Variants in CYTH1 observed in about 807,000 individuals in gnomAD.
CYTH1 encodes cytohesin 1.
A neutral mutation model predicts 61.8 loss-of-function variants in CYTH1; 18 were observed. The ratio of observed to expected loss-of-function variants is 0.29; its 90% CI spans 0.20 to 0.43. CYTH1 has a LOEUF of 0.43. Ranked by LOEUF, CYTH1 falls within the 20% of genes least tolerant of loss-of-function variation. The pLI, the probability that CYTH1 is intolerant of heterozygous loss-of-function variation, is 1.00. For synonymous variants in CYTH1, 174 were observed against 184.3 expected (o/e 0.94, Z 0.45); for missense variants, 336 against 510.5 (o/e 0.66, Z 3.29).
At chr17:78,680,062 C>T (rs554641861) in intron 13 of CYTH1, 128 bp downstream of exon 13, 11 of 1,307,938 alleles carry the variant, frequency 8.4e-6, no homozygotes, top group African/African-American at 4.5e-5. Context: ...GGAACCAGGA[C>T]GAAGCTTCCC....
chr17:78,690,947 C>G (rs2092878908), intron 11 of CYTH1, among the ~76,000 whole-genome samples: 1 of 152,104 alleles, frequency 6.6e-6, no homozygotes, highest in African/African-American at 2.4e-5. Flanking sequence ...ATGTTAAAGA[C>G]ATCGTTAGTG....
intron 1 of CYTH1, among the ~76,000 whole-genome samples, chr17:78,715,738 A>G (rs1458251636): frequency 6.6e-6 from 1 of 151,992 alleles, no homozygotes; most frequent in African/African-American, 2.4e-5. Context: ...CGCCAGGAAC[A>G]GCTCCCTTTG....
chr17:78,776,897 AG>A (rs1251607579), intron 1 of CYTH1, among the ~76,000 whole-genome samples: 1 of 150,644 alleles, frequency 6.6e-6, no homozygotes, highest in African/African-American at 2.5e-5. Context: ...AGGCCTAGGC[AG>A]GGGGATCACC....
intron 1 of CYTH1, chr17:78,724,168 A>G (rs1356155279): frequency 6.6e-6 from 1 of 152,200 alleles, no homozygotes; most frequent in Non-Finnish European, 1.5e-5. Context: ...GACAAGAAAT[A>G]TGGCTACAGC....
Position 78,771,783 on chromosome 17 carries a change from A to G in CYTH1, c.22+10419T>C, listed in dbSNP as rs181814379. Among the ~76,000 whole-genome samples the G allele has an allele frequency of 1.3e-4, 19 of 151,992 alleles. 1 individual carries two copies. The East Asian group carries it at 3.5e-3, about 28-fold the overall frequency. The stretch of plus-strand genomic sequence containing the variant: ...AAAGGTGGAAAATATAAAGACTTGG[A>G]TAAGGAAGGTATTATCCTGGCCCTT... On this transcript the variant is annotated intron_variant, in intron 1 of 13. Coordinates refer to ENST00000446868, the MANE Select transcript of CYTH1 (RefSeq NM_004762.6).
intron 8 of CYTH1, 137 bp downstream of exon 8, chr17:78,698,683 G>GA (rs2092972995): frequency 9.0e-7 from 1 of 1,116,458 alleles, no homozygotes. Context: ...CTTTCTTAAT[G>GA]AAATTCACAT....
chr17:78,766,526 G>C (rs1318916547), intron 1 of CYTH1, among the ~76,000 whole-genome samples: 1 of 152,062 alleles, frequency 6.6e-6, no homozygotes, highest in Non-Finnish European at 1.5e-5. Context: ...TGCTACCCGG[G>C]GGATTAAGGA....
intron 1 of CYTH1, among the ~76,000 whole-genome samples, chr17:78,751,878 C>T (rs986060211): frequency 2.0e-5 from 3 of 152,256 alleles, no homozygotes; most frequent in South Asian, 4.1e-4. Flanking sequence ...GGCATGATCT[C>T]GGCTCACTGC....
intron 12 of CYTH1, among the ~76,000 whole-genome samples, chr17:78,680,642 T>C (rs2092750987): frequency 6.6e-6 from 1 of 152,172 alleles, no homozygotes; most frequent in Non-Finnish European, 1.5e-5. Context: ...AGTAACATCC[T>C]GACAGCCCAA....
At position 78,782,153 on chromosome 17, in the gene CYTH1, G is replaced by A. The variant is rs763709695; in HGVS notation, c.22+49C>T. The A allele has an allele frequency of 2.9e-5, 39 of 1,329,800 alleles. No individual in the cohort carries two copies. In the African/African-American group the frequency reaches 3.7e-4, roughly 13 times the overall value. 82.4% of individuals were successfully genotyped at this position (1,329,800 alleles called of 1,614,324 possible). On this transcript the variant is annotated intron_variant, in intron 1 of 13. Transcript: ENST00000446868. ...GCTGCCGGACGGCCGGGCCCGGAGG[G>A]GACTGGGGGACAGCGAGGGGGAAGC...
chr17:78,765,146 T>G (rs974818468), intron 1 of CYTH1, among the ~76,000 whole-genome samples: 3 of 151,862 alleles, frequency 2.0e-5, no homozygotes, highest in African/African-American at 7.3e-5. Flanking sequence ...GTTTGCTGAG[T>G]GCATGAGCAG....
intron 1 of CYTH1, among the ~76,000 whole-genome samples, chr17:78,740,052 C>T (rs1054396072): frequency 1.3e-5 from 2 of 152,314 alleles, no homozygotes; most frequent in Admixed American, 1.3e-4. Flanking sequence ...TCTCCTGCCT[C>T]AGCCTCCCGA....
Position 78,699,961 on chromosome 17 carries a change from T to A in CYTH1, c.550+370A>T, listed in dbSNP as rs1358596509. Among the ~76,000 whole-genome samples the A allele has an allele frequency of 2.6e-5, 4 of 152,140 alleles. No homozygotes were observed. The South Asian group carries it at 6.2e-4, about 24-fold the overall frequency. On this transcript the variant is annotated intron_variant, in intron 7 of 13. Coordinates refer to ENST00000446868, the MANE Select transcript of CYTH1 (RefSeq NM_004762.6). ...TAAGCCACCACACCTGGCTAATTTT[T>A]AAAAATTTTTTTGGAGAAAGGGTCT...
At chr17:78,706,669 A>G (rs1005475760) in intron 3 of CYTH1, among the ~76,000 whole-genome samples, 4 of 152,260 alleles carry the variant, frequency 2.6e-5, no homozygotes, top group African/African-American at 9.6e-5. Context: ...TGAAACTGCC[A>G]AACTTCTTTC....
chr17:78,748,802 C>T (rs1435154298), intron 1 of CYTH1, among the ~76,000 whole-genome samples: 1 of 152,136 alleles, frequency 6.6e-6, no homozygotes, highest in Admixed American at 6.5e-5. Context: ...CACTGCAGAT[C>T]CCCTTCCTGT....
At chr17:78,690,310 C>T (rs928641632) in intron 11 of CYTH1, among the ~76,000 whole-genome samples, 2 of 137,016 alleles carry the variant, frequency 1.5e-5, no homozygotes, top group Admixed American at 8.1e-5. Flanking sequence ...AGGAGAATGG[C>T]GTGAGCCCGG....
chr17:78,779,112 G>A (rs763991910), intron 1 of CYTH1, among the ~76,000 whole-genome samples: 42 of 152,000 alleles, frequency 2.8e-4, no homozygotes, highest in Non-Finnish European at 5.4e-4. Flanking sequence ...CTGTAGAAAG[G>A]GGAACAGGCC....
chr17:78,732,204 CTT>C (rs1486342827), intron 1 of CYTH1, among the ~76,000 whole-genome samples: 1 of 152,204 alleles, frequency 6.6e-6, no homozygotes, highest in East Asian at 1.9e-4. Flanking sequence ...AGATACCTGC[CTT>C]TTCTCTCCAC....
At chr17:78,780,940 G>A (rs2093514617) in intron 1 of CYTH1, among the ~76,000 whole-genome samples, 1 of 152,126 alleles carries the variant, frequency 6.6e-6, no homozygotes, top group South Asian at 2.1e-4. Context: ...CACCCAGGAG[G>A]CCGAGGTTGC....
Sources: gnomAD v4.1 joint callset for allele counts (sites outside exome capture counted in the v4.1 genomes callset) on GRCh38, gnomAD v4.1.1 for gene constraint, MANE v1.5 for transcripts, NCBI Gene and HGNC (gene_info 2026-07-23, HGNC 2026-07-21) for gene names.